The following MET variants were observed in gnomAD, a reference collection of about 807,000 sequenced individuals.
MET encodes the protein hepatocyte growth factor receptor.
MET carries 48 observed loss-of-function variants against 133.1 expected under a neutral mutation model. The observed-to-expected ratio is 0.36, with a 90% CI of 0.29 to 0.46. MET has a LOEUF of 0.46. Among genes scored for constraint, MET ranks in the 20% least tolerant of loss-of-function variants. The pLI is 1.00. For synonymous variants in MET, 628 were observed against 616.5 expected (o/e 1.02, Z -0.28); for missense variants, 1,442 against 1,695.9 (o/e 0.85, Z 2.63).
chr7:116,707,943 C>T (rs1478713190), intron 2 of MET, among the ~76,000 whole-genome samples: 1 of 152,046 alleles, frequency 6.6e-6, no homozygotes, highest in East Asian at 1.9e-4. Flanking sequence ...CATAAAAGGG[C>T]CAAAACCTTG....
intron 14 of MET, among the ~76,000 whole-genome samples, chr7:116,773,775 T>C (rs1794906844): frequency 6.6e-6 from 1 of 152,230 alleles, no homozygotes; most frequent in African/African-American, 2.4e-5. Flanking sequence ...CTGGAACCAC[T>C]TTTGGCCAAG....
chr7:116,749,765 A>G (rs1418609772), intron 5 of MET, among the ~76,000 whole-genome samples: 1 of 152,236 alleles, frequency 6.6e-6, no homozygotes, highest in Non-Finnish European at 1.5e-5. Context: ...GCAAATTCTC[A>G]GGATACAAAA....
At position 116,763,212 on chromosome 7, in the gene MET, C is replaced by G. The variant is rs905891313; in HGVS notation, c.2527C>G (p.Pro843Ala). The change falls in exon 11 of 21, where the codon CCT becomes GCT. Residue 843 changes from proline (P) to alanine (A), a missense_variant. Pro to Ala is a conservative substitution (Grantham distance 27). Coordinates refer to ENST00000397752, the MANE Select transcript of MET (RefSeq NM_000245.4). ...TTATGTACATAATCCTGTGTTTAAG[C>G]CTTTTGAAAAGCCAGTGATGATCTC... ...LIYVHNPVFK[P>A]FEKPVMISMG... 4 of 1,613,776 alleles carry G rather than the reference C, an allele frequency of 2.5e-6. No individual in the cohort carries two copies. Among genetic ancestry groups the G allele is most frequent in the East Asian group, 4.5e-5 (2 of 44,864 alleles).
chr7:116,770,272 A>G (rs1194709506), intron 12 of MET, among the ~76,000 whole-genome samples: 2 of 152,152 alleles, frequency 1.3e-5, no homozygotes, highest in African/African-American at 4.8e-5. Context: ...AACAAGCTAG[A>G]ACCAAAGCGA....
chr7:116,708,659 G>C (rs1057497531), intron 2 of MET, among the ~76,000 whole-genome samples: 3 of 152,116 alleles, frequency 2.0e-5, no homozygotes, highest in African/African-American at 7.2e-5. Flanking sequence ...ACATACTTTA[G>C]ATCCTGCTCA....
chr7:116,775,672 A>T (rs1460047648), intron 15 of MET, among the ~76,000 whole-genome samples: 1 of 152,148 alleles, frequency 6.6e-6, no homozygotes, highest in Admixed American at 6.5e-5. Flanking sequence ...GTGCCACAGC[A>T]CTCCAGCCTG....
chr7:116,711,950 T>C (rs1562890414), intron 2 of MET, among the ~76,000 whole-genome samples: 3 of 152,234 alleles, frequency 2.0e-5, no homozygotes, highest in South Asian at 4.1e-4. Context: ...GGTGTAAATA[T>C]CCCACTGAGC....
chr7:116,779,207 A>G (rs955008706), intron 17 of MET, among the ~76,000 whole-genome samples: 1 of 152,248 alleles, frequency 6.6e-6, no homozygotes, highest in Admixed American at 6.5e-5. Context: ...TGATAGGGAC[A>G]TTTAGTCATC....
At chr7:116,693,944 AT>A (rs1796867385) in intron 1 of MET, among the ~76,000 whole-genome samples, 1 of 152,206 alleles carries the variant, frequency 6.6e-6, no homozygotes, top group East Asian at 1.9e-4. Flanking sequence ...AGGTACTATA[AT>A]CCTGCCCATA....
At chr7:116,749,961 G>A (rs968034125) in intron 5 of MET, among the ~76,000 whole-genome samples, 5 of 152,088 alleles carry the variant, frequency 3.3e-5, no homozygotes, top group Non-Finnish European at 5.9e-5. Context: ...AACATTCCAT[G>A]CTCATGGATA....
intron 5 of MET, among the ~76,000 whole-genome samples, chr7:116,755,041 A>AAAGAAAGAAAGAAAG (rs879471092): frequency 2.7e-4 from 10 of 37,396 alleles, no homozygotes; most frequent in African/African-American, 8.6e-4. Flanking sequence ...AGAAAGAAAG[A>AAAGAAAGAAAGAAAG]AAAGAAAGAA....
At chr7:116,765,077 A>T (rs1472155004) in intron 11 of MET, among the ~76,000 whole-genome samples, 1 of 152,068 alleles carries the variant, frequency 6.6e-6, no homozygotes, top group African/African-American at 2.4e-5. Flanking sequence ...AGGCGGGTGA[A>T]TCACTTGAGA....
Position 116,757,685 on chromosome 7 carries a change from T to C in MET, c.2013T>C (p.Gly671=). ...SISPKYGPMA[G]GTLLTLTGNY... ...CGCCGAAATACGGTCCTATGGCTGG[T>C]GGCACTTTACTTACTTTAACTGGAA... is the stretch of plus-strand genomic sequence containing the variant. Residue 671 remains glycine (G), a synonymous_variant, in exon 8 of 21, where the codon GGT becomes GGC. Coordinates refer to ENST00000397752, the MANE Select transcript of MET (RefSeq NM_000245.4). 6.2e-7 allele frequency: 1 copy of C among 1,613,288 alleles called. No homozygotes were observed.
intron 1 of MET, among the ~76,000 whole-genome samples, chr7:116,681,500 C>T (rs1300172131): frequency 6.6e-6 from 1 of 152,170 alleles, no homozygotes; most frequent in Non-Finnish European, 1.5e-5. Flanking sequence ...GAGGATACTA[C>T]CTTGAAACCA....
At chr7:116,773,088 A>G (rs1794885510) in intron 14 of MET, among the ~76,000 whole-genome samples, 2 of 152,146 alleles carry the variant, frequency 1.3e-5, no homozygotes. Context: ...AAACTTACCT[A>G]ATCTTCTTTG....
chr7:116,739,488 G>T (rs1006576286), intron 3 of MET, among the ~76,000 whole-genome samples: 5 of 152,128 alleles, frequency 3.3e-5, no homozygotes, highest in Admixed American at 3.3e-4. Context: ...AGCACAGCTG[G>T]AACTAGCTCC....
chr7:116,773,001 T>C (rs1164662571), intron 14 of MET, among the ~76,000 whole-genome samples: 1 of 152,216 alleles, frequency 6.6e-6, no homozygotes, highest in Non-Finnish European at 1.5e-5. Context: ...ATTTAGTGCA[T>C]CTATTTAGTA....
chr7:116,679,565 A>G (rs528639785), intron 1 of MET, among the ~76,000 whole-genome samples: 3 of 152,338 alleles, frequency 2.0e-5, no homozygotes, highest in Non-Finnish European at 4.4e-5. Flanking sequence ...TATGCACAGA[A>G]AAAGGGCAGG....
chr7:116,756,957 A>G (rs1794201398), intron 6 of MET, among the ~76,000 whole-genome samples: 1 of 152,186 alleles, frequency 6.6e-6, no homozygotes, highest in Non-Finnish European at 1.5e-5. Flanking sequence ...AGCAGGGTGC[A>G]GTGGCTTACG....
Sources: allele counts gnomAD v4.1 joint callset (sites outside exome capture counted in the v4.1 genomes callset), GRCh38; gene constraint gnomAD v4.1.1; transcripts MANE v1.5; gene names NCBI Gene and HGNC (gene_info 2026-07-23, HGNC 2026-07-21).